The following CCDC102B variants were observed in gnomAD, a reference collection of about 807,000 sequenced individuals.
The protein encoded by CCDC102B is coiled-coil domain containing 102B, also known as coiled-coil domain-containing protein 102B.
A neutral mutation model predicts 57.4 loss-of-function variants in CCDC102B; 75 were observed. The observed-to-expected ratio is 1.31, with a 90% CI of 1.08 to 1.58. The LOEUF (loss-of-function observed/expected upper bound fraction) is 1.58, where lower values mean the gene tolerates loss of function less well. Ranked by LOEUF, CCDC102B falls within the 40% of genes most tolerant of loss-of-function variation. The pLI is 0.00. For missense variants in CCDC102B, 636 were observed against 582.6 expected (o/e 1.09, Z -0.94); for synonymous variants, 206 against 201.9 (o/e 1.02, Z -0.17).
intron 2 of CCDC102B, among the ~76,000 whole-genome samples, chr18:68,722,755 T>G (rs1001770182): frequency 1.3e-5 from 2 of 152,118 alleles, no homozygotes; most frequent in Non-Finnish European, 2.9e-5. Context: ...TTCTCAAACT[T>G]CCTAAGATAT....
At chr18:68,742,992 T>A (rs536831721) in intron 2 of CCDC102B, among the ~76,000 whole-genome samples, 18 of 152,100 alleles carry the variant, frequency 1.2e-4, no homozygotes, top group Non-Finnish European at 2.1e-4. Flanking sequence ...TTCTGACCCT[T>A]AGGGCCAAAT....
chr18:68,980,239 A>G (rs2050542633), intron 6 of CCDC102B, among the ~76,000 whole-genome samples: 1 of 150,632 alleles, frequency 6.6e-6, no homozygotes, highest in African/African-American at 2.5e-5. Flanking sequence ...CCTCTCCTCC[A>G]GAATCATATT....
chr18:68,978,117 A>G (rs1457212361), intron 6 of CCDC102B, among the ~76,000 whole-genome samples: 4 of 152,098 alleles, frequency 2.6e-5, no homozygotes, highest in East Asian at 3.9e-4. Context: ...ATGTGTGCTC[A>G]TATTAATACT....
intron 6 of CCDC102B, among the ~76,000 whole-genome samples, chr18:68,933,485 T>A (rs1043762740): frequency 3.9e-5 from 6 of 151,940 alleles, no homozygotes; most frequent in African/African-American, 1.4e-4. Flanking sequence ...TCACTTAATC[T>A]GGTAACATTT....
intron 6 of CCDC102B, among the ~76,000 whole-genome samples, chr18:68,928,570 G>A (rs188407493): frequency 1.3e-4 from 20 of 151,950 alleles, no homozygotes; most frequent in Admixed American, 4.6e-4. Flanking sequence ...TATGATACAG[G>A]AGTTGATGGT....
At chr18:68,808,672 G>A (rs2036130166) in intron 1 of CCDC102B, among the ~76,000 whole-genome samples, 2 of 151,794 alleles carry the variant, frequency 1.3e-5, no homozygotes, top group African/African-American at 4.8e-5. Flanking sequence ...TAGAGACAGG[G>A]TTTCACCGTA....
At chr18:68,902,594 T>C (rs2040493361) in intron 6 of CCDC102B, among the ~76,000 whole-genome samples, 2 of 152,206 alleles carry the variant, frequency 1.3e-5, no homozygotes, top group Non-Finnish European at 2.9e-5. Context: ...GCATGTTTAC[T>C]AGTGCAGCAT....
At chr18:68,872,448 A>G (rs1000078821) in intron 4 of CCDC102B, among the ~76,000 whole-genome samples, 6 of 152,248 alleles carry the variant, frequency 3.9e-5, no homozygotes, top group African/African-American at 1.2e-4. Flanking sequence ...TACCTAGAGG[A>G]TTATATTTTA....
intron 2 of CCDC102B, among the ~76,000 whole-genome samples, chr18:68,756,248 C>A (rs1005189828): frequency 4.0e-5 from 6 of 151,352 alleles, no homozygotes; most frequent in African/African-American, 1.5e-4. Flanking sequence ...AAATTTATAT[C>A]AATAAGTTAA....
downstream of CCDC102B, among the ~76,000 whole-genome samples, chr18:69,055,855 A>C (rs1274496313): frequency 6.6e-6 from 1 of 152,038 alleles, no homozygotes; most frequent in Non-Finnish European, 1.5e-5. Flanking sequence ...TCATCCGACA[A>C]TCTCAGAACC....
In CCDC102B at chr18:68,861,344, A is replaced by G. The variant is rs560157631; in HGVS notation, c.937-13325A>G. Among the ~76,000 whole-genome samples the G allele has an allele frequency of 1.5e-3, 231 of 151,794 alleles. 2 individuals are homozygous for G. Among genetic ancestry groups the G allele is most frequent in the African/African-American group, 5.3e-3 (219 of 41,434 alleles). On this transcript the variant is annotated intron_variant, in intron 4 of 7. Transcript: ENST00000360242. ...GTATCATATTTTTCTATTAATTTGC[A>G]TGACATATAAGTTTTGACTGGATGC...
chr18:68,775,612 G>T (rs1243030052), intron 2 of CCDC102B, among the ~76,000 whole-genome samples: 2 of 148,606 alleles, frequency 1.3e-5, no homozygotes, highest in Non-Finnish European at 3.0e-5. Flanking sequence ...AAAATAGATT[G>T]CTTTCCTTAT....
At chr18:69,055,310 T>TC (rs2052797943), downstream of CCDC102B, 1 of 234,062 alleles carries the variant, frequency 4.3e-6, no homozygotes, top group African/African-American at 2.3e-5. Context: ...GGCCCGATCT[T>TC]CAAGTGCGCA....
chr18:68,943,678 G>T (rs1320202782), intron 6 of CCDC102B, among the ~76,000 whole-genome samples: 1 of 152,080 alleles, frequency 6.6e-6, no homozygotes, highest in East Asian at 1.9e-4. Context: ...TGATAATATT[G>T]TTATACCCAG....
chr18:68,768,179 T>A (rs139018841), intron 2 of CCDC102B, among the ~76,000 whole-genome samples: 109 of 152,240 alleles, frequency 7.2e-4, no homozygotes, highest in African/African-American at 2.6e-3. Context: ...AGTTATTGAT[T>A]CCCTGTTGCA....
At chr18:68,818,189 C>A (rs763772200) in intron 1 of CCDC102B, among the ~76,000 whole-genome samples, 6 of 149,880 alleles carry the variant, frequency 4.0e-5, no homozygotes, top group Non-Finnish European at 7.4e-5. Context: ...TTGCTGAGAA[C>A]TGTGAATTTC....
intron 1 of CCDC102B, among the ~76,000 whole-genome samples, chr18:68,800,300 T>C (rs1399594801): frequency 6.6e-6 from 1 of 152,006 alleles, no homozygotes; most frequent in Non-Finnish European, 1.5e-5. Context: ...TCGAGCAGAA[T>C]GGTTTGAAGT....
At chr18:68,722,477 G>T (rs1332377149) in intron 2 of CCDC102B, among the ~76,000 whole-genome samples, 1 of 152,120 alleles carries the variant, frequency 6.6e-6, no homozygotes, top group African/African-American at 2.4e-5. Context: ...TTGCTTTGGG[G>T]ACCTAAAAAG....
rs2039250725 is a variant in CCDC102B at position 68,871,832 on chromosome 18, C to A, written c.937-2837C>A. On this transcript the variant is annotated intron_variant, in intron 4 of 7. Coordinates refer to ENST00000360242, the MANE Select transcript of CCDC102B (RefSeq NM_024781.3). The stretch of plus-strand genomic sequence containing the variant: ...TGAAGAAAATTGAGCAGGAGAGTTT[C>A]ATGATCTGAATTGCTTTTTAAAAAG... Among the ~76,000 whole-genome samples the A allele has an allele frequency of 3.3e-5, 5 of 152,256 alleles. No individual in the cohort carries two copies. In the South Asian group the frequency reaches 1.0e-3, roughly 32 times the overall value.
Sources: allele counts gnomAD v4.1 joint callset (sites outside exome capture counted in the v4.1 genomes callset), GRCh38; gene constraint gnomAD v4.1.1; transcripts MANE v1.5; gene names NCBI Gene and HGNC (gene_info 2026-07-23, HGNC 2026-07-21).